PDXDC1: variants seen among roughly 807,000 people sequenced by gnomAD.
The protein encoded by PDXDC1 is pyridoxal-dependent decarboxylase domain-containing protein 1.
Under a neutral mutation model 100.1 loss-of-function variants are expected in PDXDC1, and 42 were observed. The ratio of observed to expected loss-of-function variants is 0.42; its 90% CI spans 0.33 to 0.54. The LOEUF (loss-of-function observed/expected upper bound fraction) is 0.54, where lower values mean the gene tolerates loss of function less well. Among genes scored for constraint, PDXDC1 ranks in the 20% least tolerant of loss-of-function variants. PDXDC1 has a pLI of 0.10. For missense variants in PDXDC1, 636 were observed against 979.2 expected, an observed-to-expected ratio of 0.65 and a Z score of 4.68; for synonymous variants, 260 against 371.7, an observed-to-expected ratio of 0.70 and a Z score of 3.46.
At chr16:15,092,419 A>C in intron 16 of PDXDC1, 1 of 783,280 alleles carries the variant, frequency 1.3e-6, no homozygotes, top group Non-Finnish European at 2.2e-6. Flanking sequence ...ATCTTAATTA[A>C]TCTTGCTATT....
At chr16:14,990,465 C>G (rs62038550) in intron 1 of PDXDC1, among the ~76,000 whole-genome samples, 1 of 152,276 alleles carries the variant, frequency 6.6e-6, no homozygotes, top group Non-Finnish European at 1.5e-5. Flanking sequence ...GTAGCTGCCC[C>G]CAGTAGAAGC....
chr16:15,109,847 T>A, intron 16 of PDXDC1, among the ~76,000 whole-genome samples: 1 of 122,300 alleles, frequency 8.2e-6, no homozygotes, highest in African/African-American at 3.0e-5. Flanking sequence ...AGACTCTATC[T>A]CAAAATTTAA....
intron 1 of PDXDC1, among the ~76,000 whole-genome samples, chr16:14,996,172 G>A (rs1296756800): frequency 6.6e-6 from 1 of 152,272 alleles, no homozygotes; most frequent in Admixed American, 6.5e-5. Flanking sequence ...GAAAATCCCT[G>A]GACTAGATCC....
intron 16 of PDXDC1, among the ~76,000 whole-genome samples, chr16:15,031,025 C>G (rs2043027516): frequency 1.3e-5 from 2 of 151,560 alleles, no homozygotes; most frequent in South Asian, 4.2e-4. Flanking sequence ...CACCATAGCT[C>G]ATTGCAACCT....
intron 16 of PDXDC1, chr16:15,131,426 C>G: frequency 1.2e-6 from 2 of 1,608,378 alleles, no homozygotes; most frequent in Admixed American, 1.7e-5. Flanking sequence ...TTAGCCGGGG[C>G]CCTGCTGAAA....
At chr16:15,038,699 C>T (rs189206538), downstream of PDXDC1, 37 of 1,430,078 alleles carry the variant, frequency 2.6e-5, no homozygotes, top group Admixed American at 7.0e-5. Context: ...TAAAAAAGAA[C>T]GTGTCAAGGA....
At chr16:14,998,268 G>T (rs1172028182) in intron 2 of PDXDC1, 72 bp from the exon 3 acceptor site, 2 of 1,489,576 alleles carry the variant, frequency 1.3e-6, no homozygotes, top group Non-Finnish European at 1.8e-6. Context: ...ACATGGTCAT[G>T]TTTGCATATT....
intron 15 of PDXDC1, chr16:15,029,636 C>G: frequency 2.0e-6 from 1 of 504,760 alleles, no homozygotes; most frequent in Non-Finnish European, 3.4e-6. Context: ...CTGCCCGCCA[C>G]TAGGAGAAAA....
intron 16 of PDXDC1, among the ~76,000 whole-genome samples, chr16:15,055,281 A>T (rs897348737): frequency 6.6e-6 from 1 of 152,236 alleles, no homozygotes; most frequent in Non-Finnish European, 1.5e-5. Context: ...CAGAAAAAAC[A>T]AAAACAAAAC....
At chr16:15,007,981 A>G (rs1256507962) in intron 6 of PDXDC1, among the ~76,000 whole-genome samples, 5 of 152,292 alleles carry the variant, frequency 3.3e-5, no homozygotes, top group Admixed American at 6.5e-5. Flanking sequence ...CCTAGAAAAT[A>G]TCTGAAAGGT....
chr16:15,083,593 A>G, intron 16 of PDXDC1: 2 of 1,595,298 alleles, frequency 1.3e-6, no homozygotes, highest in Non-Finnish European at 1.7e-6. Context: ...CTATTTTTAA[A>G]AAATTAAATC....
chr16:15,142,999 C>A (rs1187520819), downstream of PDXDC1, among the ~76,000 whole-genome samples: 4 of 152,172 alleles, frequency 2.6e-5, no homozygotes, highest in African/African-American at 9.7e-5. Flanking sequence ...AGGGTGGGAG[C>A]CAGGTGCACA....
chr16:15,043,004 G>A (rs1286314801), downstream of PDXDC1, among the ~76,000 whole-genome samples: 2 of 151,672 alleles, frequency 1.3e-5, no homozygotes, highest in African/African-American at 4.8e-5. Context: ...GGGTTCAAGC[G>A]GTTCTCCTGC....
intron 16 of PDXDC1, among the ~76,000 whole-genome samples, chr16:15,091,699 T>TA (rs1290115176): frequency 1.3e-5 from 2 of 152,208 alleles, no homozygotes; most frequent in African/African-American, 4.8e-5. Flanking sequence ...CAGGAGGATC[T>TA]AAAAAAGTAT....
intron 1 of PDXDC1, among the ~76,000 whole-genome samples, chr16:14,984,495 A>ATATATATATAT (rs1555542734): frequency 1.4e-5 from 1 of 73,496 alleles, no homozygotes; most frequent in East Asian, 6.5e-4. Flanking sequence ...ATATATATAT[A>ATATATATATAT]TTTTTTTTTT....
chr16:15,048,520 A>T (rs2044171878), intron 16 of PDXDC1, among the ~76,000 whole-genome samples: 1 of 150,236 alleles, frequency 6.7e-6, no homozygotes, highest in African/African-American at 2.5e-5. Context: ...ACACCCAGCT[A>T]TCACAGTTCT....
chr16:15,087,699 G>A (rs1306456695), intron 16 of PDXDC1, among the ~76,000 whole-genome samples: 3 of 152,070 alleles, frequency 2.0e-5, no homozygotes, highest in Non-Finnish European at 4.4e-5. Flanking sequence ...AGCTCACTAA[G>A]GCCAAAGGCA....
At chr16:15,039,774 G>A (rs1335086244), downstream of PDXDC1, among the ~76,000 whole-genome samples, 5 of 152,204 alleles carry the variant, frequency 3.3e-5, no homozygotes, top group Non-Finnish European at 5.9e-5. Context: ...AACTGGAGCT[G>A]ATGACCTAAA....
At chr16:15,064,802 C>T (rs1159562568) in intron 16 of PDXDC1, among the ~76,000 whole-genome samples, 1 of 152,184 alleles carries the variant, frequency 6.6e-6, no homozygotes, top group Non-Finnish European at 1.5e-5. Context: ...TCATCAACAG[C>T]GAGGAAGGGC....
Sources: gnomAD v4.1 joint callset for allele counts (sites outside exome capture counted in the v4.1 genomes callset) on GRCh38, gnomAD v4.1.1 for gene constraint, MANE v1.5 for transcripts, NCBI Gene and HGNC (gene_info 2026-07-23, HGNC 2026-07-21) for gene names.